FBN1: variants seen among roughly 807,000 people sequenced by gnomAD.
The protein encoded by FBN1 is fibrillin 1.
Under a neutral mutation model 365.1 loss-of-function variants are expected in FBN1, and 29 were observed. The observed-to-expected ratio is 0.08, with a 90% CI of 0.06 to 0.11. The LOEUF is 0.11. Among genes scored for constraint, FBN1 ranks in the 10% least tolerant of loss-of-function variants. The probability of loss-of-function intolerance (pLI) is 1.00; values close to 1 mark genes in which losing one functional copy is unlikely to be tolerated. For missense variants in FBN1, 2,476 were observed against 3,703.2 expected, an observed-to-expected ratio of 0.67 and a Z score of 8.60; for synonymous variants, 1,210 against 1,270.5, an observed-to-expected ratio of 0.95 and a Z score of 1.01.
chr15:48,466,581 C>A (rs562801262), intron 38 of FBN1, among the ~76,000 whole-genome samples: 1 of 152,318 alleles, frequency 6.6e-6, no homozygotes, highest in East Asian at 1.9e-4. Flanking sequence ...AAGATCAGTT[C>A]TTTCATAATG....
intron 60 of FBN1, among the ~76,000 whole-genome samples, chr15:48,422,345 A>G (rs1251608592): frequency 1.3e-5 from 2 of 152,250 alleles, no homozygotes; most frequent in Non-Finnish European, 2.9e-5. Flanking sequence ...GGAATTCCTC[A>G]ACAAAGGAAT....
At chr15:48,575,773 A>G (rs918819704) in intron 6 of FBN1, among the ~76,000 whole-genome samples, 4 of 151,130 alleles carry the variant, frequency 2.6e-5, no homozygotes, top group African/African-American at 9.8e-5. Flanking sequence ...GGATTCATCA[A>G]TGGAGGGCTG....
rs772639818 is a variant in FBN1 at position 48,470,736 on chromosome 15, G to C, written c.4357C>G (p.Pro1453Ala). The C allele has an allele frequency of 5.0e-6, 8 of 1,614,074 alleles. No homozygotes were observed. The highest frequency in any genetic ancestry group is 6.8e-6 in the Non-Finnish European group (8 of 1,180,012). The change falls in exon 36 of 66, where the codon CCG (proline) becomes GCG (alanine). Residue 1453 changes from proline (P) to alanine (A), a missense_variant. Coordinates refer to ENST00000316623, the MANE Select transcript of FBN1 (RefSeq NM_000138.5). The part of the protein sequence containing the change: ...ACEDIDECSL[P>A]NICVFGTCHN... ...CAAGTTCCAAAGACACAGATGTTCG[G>C]AAGGGAGCACTCATCAATATCTTGG...
chr15:48,584,640 T>C (rs1040510058), intron 6 of FBN1, among the ~76,000 whole-genome samples: 1 of 152,170 alleles, frequency 6.6e-6, no homozygotes, highest in Admixed American at 6.5e-5. Context: ...TGATAGCTTA[T>C]TCTGCTTGGC....
At chr15:48,605,511 C>G (rs1162887228) in intron 4 of FBN1, among the ~76,000 whole-genome samples, 1 of 152,152 alleles carries the variant, frequency 6.6e-6, no homozygotes, top group Non-Finnish European at 1.5e-5. Context: ...TGATAAACAG[C>G]TAGTATTTAG....
rs56354352 is a variant in FBN1, at chr15:48,452,711, AAGG to A, written c.5423-30_5423-28del. ...TACGAGCAGAAGAGAACTGAATTTG[AAGG>A]AGAACAGAATCTGGTGTCCAGTCAA... On this transcript the variant is annotated intron_variant, in intron 44 of 65. Transcript: ENST00000316623. 0.015 allele frequency: 24,950 copies of A among 1,613,602 alleles called. 597 individuals carry two copies. Among genetic ancestry groups the A allele is most frequent in the East Asian group, 0.11 (4,791 of 44,844 alleles).
Position 48,568,154 on chromosome 15 carries a change from A to T in FBN1, c.538+28129T>A, listed in dbSNP as rs573558618. 1.1e-4 allele frequency among the ~76,000 whole-genome samples: 17 copies of T among 151,404 alleles called. 3 individuals carry two copies. In the South Asian group the frequency reaches 3.5e-3, roughly 31 times the overall value. Reference sequence around the variant, plus strand: ...TAAGGAATCTACCAAAAAAAAAAAAAAAAAGTCCAGAAAAGTCACAGAATA... The same window carrying T: ...TAAGGAATCTACCAAAAAAAAAAAATAAAAGTCCAGAAAAGTCACAGAATA... On this transcript the variant is annotated intron_variant, in intron 6 of 65. Transcript: ENST00000316623.
intron 46 of FBN1, among the ~76,000 whole-genome samples, chr15:48,447,644 T>C (rs966871643): frequency 2.6e-5 from 4 of 151,724 alleles, no homozygotes; most frequent in African/African-American, 9.7e-5. Context: ...TGAGGCACCA[T>C]GAAGAGGGAC....
At chr15:48,579,520 C>T (rs370379726) in intron 6 of FBN1, among the ~76,000 whole-genome samples, 2 of 152,098 alleles carry the variant, frequency 1.3e-5, no homozygotes, top group East Asian at 3.9e-4. Context: ...AGTCTCAACT[C>T]CCCAGAAGCT....
At chr15:48,554,017 A>C (rs538141322) in intron 6 of FBN1, among the ~76,000 whole-genome samples, 137 of 152,322 alleles carry the variant, frequency 9.0e-4, no homozygotes, top group Admixed American at 1.8e-3. Context: ...CTCAAAGTAA[A>C]GTTAAGAAAT....
intron 4 of FBN1, among the ~76,000 whole-genome samples, chr15:48,603,042 A>G (rs534297678): frequency 1.3e-5 from 2 of 152,366 alleles, no homozygotes; most frequent in African/African-American, 4.8e-5. Context: ...TAAAAAAGCT[A>G]ACAGTAGTTT....
chr15:48,413,083 C>T (rs552444599), intron 64 of FBN1, among the ~76,000 whole-genome samples: 3 of 152,272 alleles, frequency 2.0e-5, no homozygotes, highest in African/African-American at 7.2e-5. Context: ...ATGAGGGAGG[C>T]CATGTAACTT....
At chr15:48,439,987 A>G (rs1294480872) in intron 50 of FBN1, among the ~76,000 whole-genome samples, 1 of 152,176 alleles carries the variant, frequency 6.6e-6, no homozygotes, top group African/African-American at 2.4e-5. Flanking sequence ...CTGACTCCTA[A>G]TTTGTCATCT....
rs886038785 is a variant in FBN1, at chr15:48,446,769, T to C, written c.5725A>G (p.Ile1909Val). Residue 1909 changes from isoleucine to valine, a missense_variant, in exon 47 of 66, where the codon ATT (isoleucine) becomes GTT (valine). Ile to Val is a conservative substitution (Grantham distance 29). Around this residue, in one of 5 missense-constraint regions of FBN1, gnomAD observed 1,780 missense variants for 2,840.8 expected, o/e 0.63. Coordinates refer to ENST00000316623, the MANE Select transcript of FBN1 (RefSeq NM_000138.5). ...TTGCAGCGGCAGTTGAAGGAACCAA[T>C]TGTGTTCCGGCAAGTTCCATTCCCA... is the stretch of plus-strand genomic sequence containing the variant. Reference protein sequence around the residue: ...ACGNGTCRNTIGSFNCRCNHG... With the variant: ...ACGNGTCRNTVGSFNCRCNHG... 13 of 1,613,492 alleles carry C rather than the reference T, an allele frequency of 8.1e-6. No homozygotes were observed. The highest frequency in any genetic ancestry group is 1.7e-5 in the Admixed American group (1 of 59,966).
Position 48,410,453 on chromosome 15 carries a change from G to A in FBN1, c.*537C>T, listed in dbSNP as rs551258633. On this transcript the variant is annotated 3_prime_UTR_variant, in exon 66 of 66. Coordinates refer to ENST00000316623, the MANE Select transcript of FBN1 (RefSeq NM_000138.5). The stretch of plus-strand genomic sequence containing the variant: ...ATACTCATAACTGAGATAAGCTACT[G>A]AACTAACTTTGGTTGATTGAAATTA... 6 of 158,050 alleles carry A rather than the reference G, an allele frequency of 3.8e-5. No homozygotes were observed. Among genetic ancestry groups the A allele is most frequent in the Admixed American group, 3.7e-4 (6 of 16,300 alleles). 9.8% of individuals were successfully genotyped at this position (158,050 alleles called of 1,614,324 possible).
At chr15:48,528,359 A>G (rs2043935067) in intron 8 of FBN1, among the ~76,000 whole-genome samples, 1 of 152,226 alleles carries the variant, frequency 6.6e-6, no homozygotes, top group South Asian at 2.1e-4. Context: ...TAACAAGAAC[A>G]ATAATGATGA....
chr15:48,579,145 G>A (rs900970069), intron 6 of FBN1, among the ~76,000 whole-genome samples: 8 of 152,064 alleles, frequency 5.3e-5, no homozygotes, highest in Admixed American at 3.9e-4. Flanking sequence ...CAGGGCAAAT[G>A]CAATTTGAGG....
intron 9 of FBN1, among the ~76,000 whole-genome samples, chr15:48,521,470 C>A (rs1335028735): frequency 6.6e-6 from 1 of 152,188 alleles, no homozygotes; most frequent in Non-Finnish European, 1.5e-5. Context: ...ATTCCAAGTT[C>A]TTAGTCCTAT....
In FBN1 at chr15:48,463,168, T is replaced by C; in HGVS notation, c.5138A>G (p.Asn1713Ser). ...ACAGCAGCACATCTTCTTGGTCATGTTGAATAACAATTCTCCATCACAGGT... is the reference window on the plus strand; with the variant it reads ...ACAGCAGCACATCTTCTTGGTCATGCTGAATAACAATTCTCCATCACAGGT... ...NQTCDGELLF[N>S]MTKKMCCCSY... The change falls in exon 42 of 66, where the codon AAC becomes AGC. Residue 1713 changes from asparagine to serine, a missense_variant. By Grantham distance (46) the Asn-to-Ser change is conservative. This residue lies in a region of FBN1 where 1,780 missense variants were observed against 2,840.8 expected (regional missense o/e 0.63). Coordinates refer to ENST00000316623, the MANE Select transcript of FBN1 (RefSeq NM_000138.5). The C allele has an allele frequency of 1.2e-6, 2 of 1,614,160 alleles. No homozygotes were observed. The highest frequency in any genetic ancestry group is 1.7e-6 in the Non-Finnish European group (2 of 1,179,960).
Sources: gnomAD v4.1 joint callset for allele counts (sites outside exome capture counted in the v4.1 genomes callset) on GRCh38, gnomAD v4.1.1 for gene constraint, gnomAD v4.1.1 regional missense constraint, MANE v1.5 for transcripts, NCBI Gene and HGNC (gene_info 2026-07-23, HGNC 2026-07-21) for gene names.